The following HMOX1 variants were observed in gnomAD, a reference collection of about 807,000 sequenced individuals.
The protein encoded by HMOX1 is heme oxygenase 1, also known as heat shock protein, 32-kD.
In HMOX1, 22 loss-of-function variants were observed where a neutral mutation model predicts 27.8. The ratio of observed to expected loss-of-function variants is 0.79; its 90% CI spans 0.57 to 1.13. HMOX1 has a LOEUF of 1.13. Among genes scored for constraint, HMOX1 ranks in the 50% most tolerant of loss-of-function variants. The pLI is 0.00. For synonymous variants in HMOX1, 153 were observed against 151.6 expected, an observed-to-expected ratio of 1.01 and a Z score of -0.07; for missense variants, 379 against 377.7, an observed-to-expected ratio of 1.00 and a Z score of -0.03.
intron 3 of HMOX1, among the ~76,000 whole-genome samples, chr22:35,389,322 CTTT>C (rs1569057368): frequency 1.0e-5 from 1 of 98,868 alleles, no homozygotes; most frequent in African/African-American, 5.9e-5. Flanking sequence ...TTTCTTTCTT[CTTT>C]CTTTCTTTCT....
rs192434406 is a variant in HMOX1, at chr22:35,394,149, G to A, written c.*551G>A. The A allele has an allele frequency of 2.0e-3, 355 of 181,174 alleles. 3 individuals carry two copies. Among genetic ancestry groups the A allele is most frequent in the Middle Eastern group, 0.011 (4 of 350 alleles). 11.2% of individuals were successfully genotyped at this position (181,174 alleles called of 1,614,324 possible). ...GTGGGTGGGGAGGGAGGTGTTTAACGGCACTGTGGCCTTGGTCTAACTTTT... is the reference window on the plus strand; with the variant it reads ...GTGGGTGGGGAGGGAGGTGTTTAACAGCACTGTGGCCTTGGTCTAACTTTT... On this transcript the variant is annotated 3_prime_UTR_variant, in exon 5 of 5. Coordinates refer to ENST00000216117, the MANE Select transcript of HMOX1 (RefSeq NM_002133.3).
intron 3 of HMOX1, among the ~76,000 whole-genome samples, chr22:35,387,736 G>C (rs1931544517): frequency 6.6e-6 from 1 of 152,182 alleles, no homozygotes; most frequent in Non-Finnish European, 1.5e-5. Context: ...AGGGGTGAGG[G>C]GCTCCTTCTA....
intron 1 of HMOX1, among the ~76,000 whole-genome samples, chr22:35,382,193 C>T (rs1278788439): frequency 6.6e-6 from 1 of 152,152 alleles, no homozygotes; most frequent in Admixed American, 6.6e-5. Flanking sequence ...ACCTCCTCCT[C>T]CTCTCCACTG....
Position 35,383,170 on chromosome 22 carries a change from A to G in HMOX1, c.88A>G (p.Asn30Asp). Residue 30 changes from asparagine to aspartate, a missense_variant, in exon 2 of 5, where the codon AAT (asparagine) becomes GAT (aspartate). Coordinates refer to ENST00000216117, the MANE Select transcript of HMOX1 (RefSeq NM_002133.3). The part of the protein sequence containing the change: ...ATKEVHTQAE[N>D]AEFMRNFQKG... ...CAAGGAGGTGCACACCCAGGCAGAGAATGCTGAGTTCATGAGGAACTTTCA... is the reference window on the plus strand; with the variant it reads ...CAAGGAGGTGCACACCCAGGCAGAGGATGCTGAGTTCATGAGGAACTTTCA... The G allele has an allele frequency of 6.2e-7, 1 of 1,613,890 alleles. No individual in the cohort carries two copies. Among genetic ancestry groups the G allele is most frequent in the Non-Finnish European group, 8.5e-7 (1 of 1,179,834 alleles).
chr22:35,386,235 C>T (rs1931500910), intron 2 of HMOX1, among the ~76,000 whole-genome samples: 1 of 151,972 alleles, frequency 6.6e-6, no homozygotes, highest in Non-Finnish European at 1.5e-5. Context: ...GGATTACAGG[C>T]GTGAGCCACC....
At chr22:35,389,802 C>T in intron 3 of HMOX1, 62 bp from the exon 4 acceptor site, 2 of 1,155,598 alleles carry the variant, frequency 1.7e-6, no homozygotes, top group East Asian at 2.5e-5. Context: ...AAGGTCCTAC[C>T]TTCAGCTGGG....
intron 2 of HMOX1, among the ~76,000 whole-genome samples, chr22:35,385,896 G>T (rs1261103754): frequency 6.6e-6 from 1 of 152,042 alleles, no homozygotes; most frequent in Non-Finnish European, 1.5e-5. Context: ...CTCCCAAAGT[G>T]CTGGGATTAC....
chr22:35,381,360 A>T (rs968783719), intron 1 of HMOX1, 164 bp downstream of exon 1: 2 of 785,904 alleles, frequency 2.5e-6, no homozygotes, highest in Non-Finnish European at 4.0e-6. Flanking sequence ...CTGTGCCCGT[A>T]GGGTAGTTGG....
At chr22:35,389,371 C>T (rs1048062684) in intron 3 of HMOX1, among the ~76,000 whole-genome samples, 2 of 63,284 alleles carry the variant, frequency 3.2e-5, no homozygotes, top group African/African-American at 2.8e-4. Flanking sequence ...TTCCTTCCTT[C>T]CTTCCTTCCT....
At chr22:35,390,311 C>T (rs1931682478) in intron 4 of HMOX1, 2 of 340,176 alleles carry the variant, frequency 5.9e-6, no homozygotes, top group Non-Finnish European at 1.1e-5. Context: ...GCAACCTCTG[C>T]CTCCCGGGTT....
chr22:35,388,510 G>A lies in HMOX1; in HGVS notation c.636+1334G>A, dbSNP rs530748423. ...AAAAAAAAACGGCTCTTGGCTGGCC[G>A]GGCGTGGTGGGTCACGCCTGTAATT... On this transcript the variant is annotated intron_variant, in intron 3 of 4. Coordinates refer to ENST00000216117, the MANE Select transcript of HMOX1 (RefSeq NM_002133.3). Among the ~76,000 whole-genome samples the A allele has an allele frequency of 2.9e-4, 44 of 151,360 alleles. 1 individual carries two copies. In the South Asian group the frequency reaches 3.8e-3, roughly 13 times the overall value.
chr22:35,381,116 C>T lies in HMOX1; in HGVS notation c.-58C>T, dbSNP rs1388664258. ...CAGTCAACGCCTGCCTCCTCTCGAG[C>T]GTCCTCAGCGCAGCCGCCGCCCGCG... is the stretch of plus-strand genomic sequence containing the variant. On this transcript the variant is annotated 5_prime_UTR_variant, in exon 1 of 5. Coordinates refer to ENST00000216117, the MANE Select transcript of HMOX1 (RefSeq NM_002133.3). 6.5e-6 allele frequency: 10 copies of T among 1,533,484 alleles called. No homozygotes were observed. The highest frequency in any genetic ancestry group is 8.7e-6 in the Non-Finnish European group (10 of 1,144,900). The allele number at this position is 1,533,484 out of a possible 1,614,324, so 95.0% of individuals were successfully genotyped here.
chr22:35,392,455 C>T (rs968374695), intron 4 of HMOX1, among the ~76,000 whole-genome samples: 4 of 152,070 alleles, frequency 2.6e-5, no homozygotes, highest in African/African-American at 7.3e-5. Context: ...TCACAGTGTA[C>T]CTGCTTGCTT....
chr22:35,389,189 T>TTTGCTTTC (rs1931586096), intron 3 of HMOX1, among the ~76,000 whole-genome samples: 1 of 83,428 alleles, frequency 1.2e-5, no homozygotes, highest in African/African-American at 5.1e-5. Flanking sequence ...GGGATATGAA[T>TTTGCTTTC]TTTCTTTCTT....
chr22:35,392,320 G>A (rs887220932), intron 4 of HMOX1, among the ~76,000 whole-genome samples: 1 of 151,962 alleles, frequency 6.6e-6, no homozygotes, highest in Non-Finnish European at 1.5e-5. Context: ...ACAAACAAAA[G>A]CTCTTTTGGA....
chr22:35,381,253 G>C, intron 1 of HMOX1, 57 bp downstream of exon 1: 1 of 1,533,584 alleles, frequency 6.5e-7, no homozygotes, highest in South Asian at 1.2e-5. Context: ...CCCTGCTTGC[G>C]TCCTAGCCCC....
intron 2 of HMOX1, among the ~76,000 whole-genome samples, chr22:35,384,185 G>C (rs1281015502): frequency 6.6e-6 from 1 of 151,930 alleles, no homozygotes; most frequent in Non-Finnish European, 1.5e-5. Flanking sequence ...AAGTTCAAGC[G>C]ATTCTCCTGC....
intron 3 of HMOX1, 143 bp downstream of exon 3, chr22:35,387,319 A>G: frequency 1.1e-6 from 1 of 939,878 alleles, no homozygotes; most frequent in Non-Finnish European, 1.7e-6. Context: ...TAGCTGGGTG[A>G]TCTTGGGCAA....
chr22:35,383,020 G>A, intron 1 of HMOX1, 86 bp from the exon 2 acceptor site: 6 of 1,570,540 alleles, frequency 3.8e-6, no homozygotes, highest in Non-Finnish European at 5.2e-6. Context: ...TCTCTTGAAG[G>A]CCTGCCCACA....
Sources: allele counts gnomAD v4.1 joint callset (sites outside exome capture counted in the v4.1 genomes callset), GRCh38; gene constraint gnomAD v4.1.1; transcripts MANE v1.5; gene names NCBI Gene and HGNC (gene_info 2026-07-23, HGNC 2026-07-21).